The following COX7A2L variants were observed in gnomAD, a reference collection of about 807,000 sequenced individuals.
The protein encoded by COX7A2L is cytochrome c oxidase subunit 7A2-like, mitochondrial.
A neutral mutation model predicts 14.2 loss-of-function variants in COX7A2L; 18 were observed. The ratio of observed to expected loss-of-function variants is 1.27; its 90% CI spans 0.88 to 1.88. COX7A2L has a LOEUF of 1.88. COX7A2L is among the 40% of genes most tolerant of loss of function. The probability of loss-of-function intolerance (pLI) is 0.00; values close to 1 mark genes in which losing one functional copy is unlikely to be tolerated. For missense variants in COX7A2L, 179 were observed against 138.8 expected, an observed-to-expected ratio of 1.29 and a Z score of -1.46; for synonymous variants, 65 against 57.4, an observed-to-expected ratio of 1.13 and a Z score of -0.60.
chr2:42,361,187 T>G lies in COX7A2L; in HGVS notation c.-26A>C, dbSNP rs762567024. The G allele has an allele frequency of 1.3e-6, 2 of 1,586,626 alleles. No homozygotes were observed. The highest frequency in any genetic ancestry group is 1.7e-6 in the Non-Finnish European group (2 of 1,163,852). On this transcript the variant is annotated 5_prime_UTR_variant, in exon 1 of 3. The change abolishes an upstream ATG in the 5' untranslated region. Transcript: ENST00000234301. ...GACGCCCAGAGTCCGGCTTCCCGCA[T>G]CCGCTGCCAACGCGACCGCCCCAGA...
Position 42,338,652 on chromosome 2 carries a change from C to T in COX7A2L, c.193-4783G>A, listed in dbSNP as rs1029173053. Among the ~76,000 whole-genome samples, 1 of 152,164 alleles carries T rather than the reference C, an allele frequency of 6.6e-6. No homozygotes were observed. The highest frequency in any genetic ancestry group is 2.4e-5 in the African/African-American group (1 of 41,434). ...GAGCCTTAGTGTGATTCAACTCCAT[C>T]CCCACCTGGCGGTCAGCCTGTCGAG... On this transcript the variant is annotated intron_variant, in intron 2 of 2. Coordinates refer to the COX7A2L transcript ENST00000468711. This position sits in a 1 kb window ranked among gnomAD's most constrained non-coding sequence, Gnocchi z 4.4.
downstream of COX7A2L, among the ~76,000 whole-genome samples, chr2:42,346,300 C>T (rs1670497423): frequency 6.6e-6 from 1 of 152,178 alleles, no homozygotes; most frequent in Non-Finnish European, 1.5e-5. Flanking sequence ...AGGACAGGTA[C>T]CTTGGACTCG....
intron 2 of COX7A2L, among the ~76,000 whole-genome samples, chr2:42,337,331 G>A (rs1572780795): frequency 2.6e-5 from 4 of 152,164 alleles, no homozygotes; most frequent in Non-Finnish European, 1.5e-5. Flanking sequence ...TGGTGCTCAC[G>A]GGCATGAGCA....
chr2:42,347,320 T>TC (rs1670519450), downstream of COX7A2L, among the ~76,000 whole-genome samples: 1 of 151,814 alleles, frequency 6.6e-6, no homozygotes, highest in East Asian at 1.9e-4. Context: ...TTTTTTTTTT[T>TC]TTTTTTTAGT....
chr2:42,340,323 G>A (rs1165732920), intron 2 of COX7A2L, among the ~76,000 whole-genome samples: 1 of 151,996 alleles, frequency 6.6e-6, no homozygotes, highest in Admixed American at 6.6e-5. Flanking sequence ...CTTTTCTCTC[G>A]TGCCCTCGGC....
chr2:42,340,528 G>A (rs1248081160), intron 2 of COX7A2L, among the ~76,000 whole-genome samples: 4 of 152,080 alleles, frequency 2.6e-5, no homozygotes, highest in East Asian at 1.9e-4. Context: ...TCCAGCTCTC[G>A]GGCCTGGCCC....
intron 1 of COX7A2L, 56 bp downstream of exon 1, chr2:42,361,034 C>T (rs754623670): frequency 3.1e-5 from 49 of 1,592,368 alleles, no homozygotes; most frequent in Non-Finnish European, 1.5e-5. Flanking sequence ...GACTGCCTGT[C>T]GCCGAGGCTA....
At chr2:42,353,796 T>C (rs993279122) in intron 1 of COX7A2L, among the ~76,000 whole-genome samples, 1 of 152,112 alleles carries the variant, frequency 6.6e-6, no homozygotes, top group Non-Finnish European at 1.5e-5. Context: ...AAACAAACAA[T>C]ACTTGCCTTC....
upstream of COX7A2L, among the ~76,000 whole-genome samples, chr2:42,362,625 A>C (rs147020822): frequency 5.5e-3 from 842 of 152,260 alleles, 3 homozygotes; most frequent in Non-Finnish European, 8.9e-3. Context: ...AAAGAGGAGG[A>C]TCAAGGCTGA....
intron 1 of COX7A2L, 65 bp from the exon 2 acceptor site, chr2:42,353,408 G>T: frequency 1.3e-6 from 2 of 1,583,404 alleles, no homozygotes; most frequent in South Asian, 1.1e-5. Context: ...TGGAATAGTG[G>T]AGGCAGCCAT....
chr2:42,350,614 C>G lies in COX7A2L; in HGVS notation c.*605G>C, dbSNP rs1670606061. Reference sequence around the variant, plus strand: ...ACAGCTGCATTAACAAAACAGACACCAGTCTAAAGTGCAACACTAAACAGG... The same window carrying G: ...ACAGCTGCATTAACAAAACAGACACGAGTCTAAAGTGCAACACTAAACAGG... On this transcript the variant is annotated 3_prime_UTR_variant, in exon 3 of 3. Transcript: ENST00000234301. The G allele has an allele frequency of 6.6e-6, 1 of 152,004 alleles. No homozygotes were observed. The highest frequency in any genetic ancestry group is 2.1e-4 in the South Asian group (1 of 4,814). 9.4% of individuals were successfully genotyped at this position (152,004 alleles called of 1,614,324 possible).
At position 42,338,861 on chromosome 2, in the gene COX7A2L, AAG is replaced by A. The variant is rs1388531963; in HGVS notation, c.193-4994_193-4993del. Among the ~76,000 whole-genome samples, 3 of 152,306 alleles carry A rather than the reference AAG, an allele frequency of 2.0e-5. No individual in the cohort carries two copies. In the South Asian group the frequency reaches 6.2e-4, roughly 32 times the overall value. On this transcript the variant is annotated intron_variant, in intron 2 of 2. Coordinates refer to the COX7A2L transcript ENST00000468711. The surrounding 1 kb of genome is among the most constrained non-coding windows in gnomAD (Gnocchi z 4.4). Reference sequence around the variant, plus strand: ...CCATCTCCCATGTCTAGAAAGGAAAAAGAGAAGATGAAGGCCTTGCCCACATC... The same window carrying A: ...CCATCTCCCATGTCTAGAAAGGAAAAAGAAGATGAAGGCCTTGCCCACATC...
chr2:42,368,876 T>C (rs1305581622), exon 1 of COX7A2L: 1 of 152,180 alleles, frequency 6.6e-6, no homozygotes, highest in Non-Finnish European at 1.5e-5. Flanking sequence ...ACCAAGTCAA[T>C]AACAACTCCA....
At chr2:42,337,707 CTT>C (rs1434103911) in intron 2 of COX7A2L, among the ~76,000 whole-genome samples, 3 of 152,154 alleles carry the variant, frequency 2.0e-5, no homozygotes, top group Non-Finnish European at 2.9e-5. Context: ...TCATGGGACT[CTT>C]ATTTTTGCAA....
chr2:42,358,015 G>C (rs1670880444), intron 1 of COX7A2L, among the ~76,000 whole-genome samples: 1 of 152,106 alleles, frequency 6.6e-6, no homozygotes, highest in African/African-American at 2.4e-5. Context: ...ATTGGGAGAG[G>C]AATTCCTAGA....
chr2:42,351,042 A>G lies in COX7A2L; in HGVS notation c.*177T>C. 1 of 616,894 alleles carries G rather than the reference A, an allele frequency of 1.6e-6. No homozygotes were observed. The highest frequency in any genetic ancestry group is 3.0e-5 in the East Asian group (1 of 33,492). 38.2% of individuals were successfully genotyped at this position (616,894 alleles called of 1,614,324 possible). A position where few individuals can be genotyped will look rare whatever the true frequency, so the allele number is the denominator to read the frequency against. The stretch of plus-strand genomic sequence containing the variant: ...AAACAATGGCTTTAACTGTCGAATG[A>G]GCTCTGACAAGCCATATGCATTTCA... On this transcript the variant is annotated 3_prime_UTR_variant, in exon 3 of 3. Transcript: ENST00000234301.
chr2:42,361,359 A>G, upstream of COX7A2L: 1 of 559,498 alleles, frequency 1.8e-6, no homozygotes. Flanking sequence ...CAGGACCACG[A>G]AAGGCAAAAC....
Position 42,361,156 on chromosome 2 carries a change from G to C in COX7A2L, c.6C>G (p.Tyr2Ter). ...TCTGCGTGAAGCCACTAAACTTGTAGTACATGACGCCCAGAGTCCGGCTTC... is the reference window on the plus strand; with the variant it reads ...TCTGCGTGAAGCCACTAAACTTGTACTACATGACGCCCAGAGTCCGGCTTC... M[Y>*]YKFSGFTQKL... is the part of the protein sequence containing the mutation. The change falls in exon 1 of 3, where the codon TAC (tyrosine) becomes TAG (stop). Residue 2 changes from tyrosine (Y) to a stop codon, truncating the protein, a stop_gained. Transcript: ENST00000234301. LOFTEE classifies it high-confidence loss of function. The C allele has an allele frequency of 6.2e-7, 1 of 1,612,712 alleles. No individual in the cohort carries two copies. The highest frequency in any genetic ancestry group is 1.1e-5 in the South Asian group (1 of 90,884).
At position 42,339,202 on chromosome 2, in the gene COX7A2L, C is replaced by G. The variant is rs554364538; in HGVS notation, c.193-5333G>C. 6.6e-6 allele frequency among the ~76,000 whole-genome samples: 1 copy of G among 152,054 alleles called. No individual in the cohort carries two copies. The highest frequency in any genetic ancestry group is 1.5e-5 in the Non-Finnish European group (1 of 68,000). ...GTAGTTAATTACTTTTTTTATTAAC[C>G]ATTATCAAGTTTAAACACAAGGATT... On this transcript the variant is annotated intron_variant, in intron 2 of 2. Transcript: ENST00000468711. The surrounding 1 kb of genome is among the most constrained non-coding windows in gnomAD (Gnocchi z 5.4).
Sources: allele counts gnomAD v4.1 joint callset (sites outside exome capture counted in the v4.1 genomes callset), GRCh38; gene constraint gnomAD v4.1.1; non-coding constraint Gnocchi (gnomAD v3.1); transcripts MANE v1.5; gene names NCBI Gene and HGNC (gene_info 2026-07-23, HGNC 2026-07-21).